NALCN: variants seen among roughly 807,000 people sequenced by gnomAD.
The protein encoded by NALCN is sodium leak channel NALCN.
NALCN carries 111 observed loss-of-function variants against 225.3 expected under a neutral mutation model. The ratio of observed to expected loss-of-function variants is 0.49; its 90% CI spans 0.42 to 0.58. NALCN has a LOEUF of 0.58. NALCN is among the 20% of genes least tolerant of loss of function. The probability of loss-of-function intolerance (pLI) is 0.00; values close to 1 mark genes in which losing one functional copy is unlikely to be tolerated. For missense variants in NALCN, 1,378 were observed against 2,202.4 expected (o/e 0.63, Z 7.49); for synonymous variants, 764 against 769.0 (o/e 0.99, Z 0.11).
intron 13 of NALCN, among the ~76,000 whole-genome samples, chr13:101,228,154 C>A (rs2041217240): frequency 6.8e-6 from 1 of 147,912 alleles, no homozygotes; most frequent in South Asian, 2.2e-4. Flanking sequence ...AGGCACTCGA[C>A]AAATCCTTGG....
chr13:101,087,809 T>C (rs1345375930), intron 30 of NALCN, among the ~76,000 whole-genome samples: 1 of 152,198 alleles, frequency 6.6e-6, no homozygotes, highest in Non-Finnish European at 1.5e-5. Flanking sequence ...CATTTTATGT[T>C]GTTCTATGTA....
intron 9 of NALCN, among the ~76,000 whole-genome samples, chr13:101,288,810 A>G (rs1169868222): frequency 1.3e-5 from 2 of 152,228 alleles, no homozygotes; most frequent in African/African-American, 4.8e-5. Context: ...CTACCATTTT[A>G]ACAGAAAAGT....
intron 28 of NALCN, among the ~76,000 whole-genome samples, chr13:101,093,153 A>G (rs897635472): frequency 6.6e-6 from 1 of 152,196 alleles, no homozygotes; most frequent in Non-Finnish European, 1.5e-5. Context: ...TTTATAATCC[A>G]TGATATGTTT....
intron 1 of NALCN, among the ~76,000 whole-genome samples, chr13:101,405,560 G>C (rs1425691556): frequency 1.3e-5 from 2 of 151,852 alleles, no homozygotes; most frequent in African/African-American, 4.8e-5. Context: ...TCTGAGCCCA[G>C]ATCATCTGTG....
chr13:101,257,274 G>A (rs1327430289), intron 11 of NALCN, among the ~76,000 whole-genome samples: 2 of 133,758 alleles, frequency 1.5e-5, no homozygotes, highest in African/African-American at 5.6e-5. Context: ...GGCAAATGTT[G>A]CATCACAGAG....
intron 22 of NALCN, among the ~76,000 whole-genome samples, chr13:101,106,590 A>G (rs1334141990): frequency 6.6e-6 from 1 of 152,138 alleles, no homozygotes; most frequent in East Asian, 1.9e-4. Flanking sequence ...CACATGTTGT[A>G]GGAGGGACCC....
rs1438087323 is a variant in NALCN, at chr13:101,395,231, G to A, written c.243C>T (p.Leu81=). ...TTTTTGCTATCATCTCTGCCGTGTA[G>A]AGAAACATCAATAATGTATCCAAAG... The part of the protein sequence containing the change: ...TFTLDTLLMF[L]YTAEMIAKMH... Residue 81 remains leucine, a synonymous_variant, in exon 3 of 44, where the codon CTC becomes CTT. Coordinates refer to ENST00000251127, the MANE Select transcript of NALCN (RefSeq NM_052867.4). 6.2e-7 allele frequency: 1 copy of A among 1,613,994 alleles called. No homozygotes were observed. The highest frequency in any genetic ancestry group is 8.5e-7 in the Non-Finnish European group (1 of 1,179,928).
intron 6 of NALCN, among the ~76,000 whole-genome samples, chr13:101,367,659 A>G (rs2046414777): frequency 6.6e-6 from 1 of 152,224 alleles, no homozygotes; most frequent in African/African-American, 2.4e-5. Flanking sequence ...TTGAAACAAA[A>G]CTATATAAAT....
intron 7 of NALCN, among the ~76,000 whole-genome samples, chr13:101,309,685 T>C (rs561055834): frequency 6.6e-6 from 1 of 152,316 alleles, no homozygotes; most frequent in African/African-American, 2.4e-5. Context: ...TGGAAAATAT[T>C]TTCATCTCAG....
At chr13:101,395,139 C>T (rs1187893692) in intron 3 of NALCN, 44 bp downstream of exon 3, 1 of 1,551,290 alleles carries the variant, frequency 6.4e-7, no homozygotes, top group Admixed American at 1.9e-5. Context: ...TTAAGACTTT[C>T]AACACATTTA....
chr13:101,121,810 C>G (rs1463043278), intron 18 of NALCN, among the ~76,000 whole-genome samples: 1 of 152,104 alleles, frequency 6.6e-6, no homozygotes, highest in East Asian at 1.9e-4. Flanking sequence ...AGAGTTTAAT[C>G]GACAGCAAGG....
At chr13:101,408,679 C>G (rs549804138) in intron 1 of NALCN, among the ~76,000 whole-genome samples, 1 of 152,052 alleles carries the variant, frequency 6.6e-6, no homozygotes, top group African/African-American at 2.4e-5. Context: ...TTTCTTTCTG[C>G]CTCTCTCCTT....
At chr13:101,234,930 T>TA (rs1162081006) in intron 12 of NALCN, among the ~76,000 whole-genome samples, 8 of 152,140 alleles carry the variant, frequency 5.3e-5, no homozygotes, top group South Asian at 4.1e-4. Flanking sequence ...AGATATTTTG[T>TA]AAAAAAACAG....
intron 9 of NALCN, among the ~76,000 whole-genome samples, chr13:101,291,450 C>A (rs1176504126): frequency 1.3e-5 from 2 of 152,154 alleles, no homozygotes; most frequent in Non-Finnish European, 2.9e-5. Flanking sequence ...CAAAACCACC[C>A]ACGGAGCTGT....
chr13:101,283,791 A>T, intron 10 of NALCN, 142 bp downstream of exon 10: 2 of 618,622 alleles, frequency 3.2e-6, no homozygotes, highest in Non-Finnish European at 2.6e-6. Context: ...CTGGGAATAG[A>T]GGAAGGAGTG....
At chr13:101,352,655 T>C (rs1371648325) in intron 6 of NALCN, among the ~76,000 whole-genome samples, 3 of 152,180 alleles carry the variant, frequency 2.0e-5, no homozygotes, top group African/African-American at 7.2e-5. Context: ...ATACTGTGAC[T>C]GATGCAGCAT....
At chr13:101,192,256 T>A (rs1235070919) in intron 13 of NALCN, among the ~76,000 whole-genome samples, 1 of 152,206 alleles carries the variant, frequency 6.6e-6, no homozygotes, top group African/African-American at 2.4e-5. Flanking sequence ...TGATGTGGAA[T>A]AAGAAAATAA....
intron 1 of NALCN, among the ~76,000 whole-genome samples, chr13:101,400,166 C>CA (rs2047427033): frequency 6.6e-6 from 1 of 151,102 alleles, no homozygotes; most frequent in Non-Finnish European, 1.5e-5. Flanking sequence ...AAACAAAAAA[C>CA]AAAAAACTCA....
At chr13:101,414,054 T>TTTC (rs2047863572) in intron 1 of NALCN, among the ~76,000 whole-genome samples, 1 of 149,556 alleles carries the variant, frequency 6.7e-6, no homozygotes, top group Non-Finnish European at 1.5e-5. Context: ...CTTGGTGAAT[T>TTTC]TTTTTTTTTT....
Sources: allele counts gnomAD v4.1 joint callset (sites outside exome capture counted in the v4.1 genomes callset), GRCh38; gene constraint gnomAD v4.1.1; transcripts MANE v1.5; gene names NCBI Gene and HGNC (gene_info 2026-07-23, HGNC 2026-07-21).